Variants in CADM2 observed in about 807,000 individuals in gnomAD.
CADM2 encodes immunoglobulin superfamily member 4D.
In CADM2, 12 loss-of-function variants were observed where a neutral mutation model predicts 49.8. That is an observed-to-expected ratio of 0.24 (90% CI 0.15 to 0.39). CADM2 has a LOEUF of 0.39. Among genes scored for constraint, CADM2 ranks in the 10% least tolerant of loss-of-function variants. CADM2 has a pLI of 1.00. For missense variants in CADM2, 378 were observed against 492.3 expected (o/e 0.77, Z 2.20); for synonymous variants, 214 against 175.4 (o/e 1.22, Z -1.74).
chr3:85,464,183 AT>A (rs1341058256), intron 1 of CADM2, among the ~76,000 whole-genome samples: 1 of 151,970 alleles, frequency 6.6e-6, no homozygotes, highest in Non-Finnish European at 1.5e-5. Context: ...GACATGCAAA[AT>A]TTTTTTCTTT....
chr3:85,412,537 T>G (rs1426889902), intron 1 of CADM2, among the ~76,000 whole-genome samples: 1 of 150,346 alleles, frequency 6.7e-6, no homozygotes, highest in African/African-American at 2.5e-5. Flanking sequence ...GTAATTCGTT[T>G]TTTTTTTTTT....
At chr3:85,595,401 AC>A (rs1174681560) in intron 1 of CADM2, among the ~76,000 whole-genome samples, 3 of 152,090 alleles carry the variant, frequency 2.0e-5, no homozygotes, top group African/African-American at 7.2e-5. Context: ...CAAACAGTTC[AC>A]AGAACTATAT....
intron 1 of CADM2, among the ~76,000 whole-genome samples, chr3:85,063,238 T>C (rs1195466612): frequency 6.6e-6 from 1 of 152,020 alleles, no homozygotes; most frequent in African/African-American, 2.4e-5. Context: ...CAAACTTCAA[T>C]CTGCTTTTGA....
intron 8 of CADM2, among the ~76,000 whole-genome samples, chr3:86,040,173 C>A (rs530006196): frequency 9.0e-4 from 137 of 152,224 alleles, no homozygotes; most frequent in African/African-American, 3.0e-3. Context: ...AAAATCAGAG[C>A]ACCTCTCCTC....
chr3:85,158,842 G>C (rs1020811772), intron 1 of CADM2, among the ~76,000 whole-genome samples: 6 of 151,008 alleles, frequency 4.0e-5, no homozygotes, highest in Admixed American at 4.0e-4. Flanking sequence ...AAAGTATAAT[G>C]ATAATAAATA....
intron 1 of CADM2, among the ~76,000 whole-genome samples, chr3:85,371,186 ACT>A (rs1459148405): frequency 6.6e-6 from 1 of 152,120 alleles, no homozygotes. Flanking sequence ...CTAAGTTTAC[ACT>A]GTTTCTAAAG....
At chr3:85,184,154 G>A (rs895881047) in intron 1 of CADM2, among the ~76,000 whole-genome samples, 1 of 152,022 alleles carries the variant, frequency 6.6e-6, no homozygotes, top group Admixed American at 6.6e-5. Context: ...ACACAGCATG[G>A]AAGTTGACAA....
chr3:85,085,786 T>G (rs2037345977), intron 1 of CADM2, among the ~76,000 whole-genome samples: 1 of 152,206 alleles, frequency 6.6e-6, no homozygotes, highest in African/African-American at 2.4e-5. Flanking sequence ...CCATGTTAAA[T>G]GAACCATCAA....
intron 1 of CADM2, among the ~76,000 whole-genome samples, chr3:85,544,229 T>C (rs2061611497): frequency 6.6e-6 from 1 of 152,046 alleles, no homozygotes; most frequent in African/African-American, 2.4e-5. Flanking sequence ...AAGTATACAG[T>C]AAAGGAAGGC....
intron 1 of CADM2, among the ~76,000 whole-genome samples, chr3:85,717,280 G>T (rs1167988274): frequency 6.6e-6 from 1 of 152,122 alleles, no homozygotes; most frequent in Non-Finnish European, 1.5e-5. Context: ...CTTTGCTCAT[G>T]ATTTGGCTCT....
intron 1 of CADM2, among the ~76,000 whole-genome samples, chr3:85,436,317 T>C (rs1396285456): frequency 6.6e-6 from 1 of 152,164 alleles, no homozygotes; most frequent in Non-Finnish European, 1.5e-5. Context: ...TTAAGGAGAT[T>C]TTGGGCTGAG....
intron 6 of CADM2, among the ~76,000 whole-genome samples, chr3:85,913,673 C>A (rs1164783605): frequency 6.6e-6 from 1 of 152,094 alleles, no homozygotes; most frequent in East Asian, 1.9e-4. Flanking sequence ...CTATCACCAA[C>A]AAACTTCATT....
At chr3:85,732,062 A>T (rs1442479239) in intron 2 of CADM2, among the ~76,000 whole-genome samples, 1 of 143,690 alleles carries the variant, frequency 7.0e-6, no homozygotes, top group Non-Finnish European at 1.5e-5. Flanking sequence ...AGGCTGGCCA[A>T]CATGGTGAAA....
intron 1 of CADM2, among the ~76,000 whole-genome samples, chr3:85,219,675 C>G (rs1395655284): frequency 6.6e-6 from 1 of 150,442 alleles, no homozygotes; most frequent in Non-Finnish European, 1.5e-5. Flanking sequence ...TACATGGTGA[C>G]CTTGATATTG....
intron 1 of CADM2, among the ~76,000 whole-genome samples, chr3:85,175,242 C>A (rs2040747565): frequency 6.6e-6 from 1 of 152,070 alleles, no homozygotes; most frequent in East Asian, 1.9e-4. Context: ...CATAACATTA[C>A]CATATGATCC....
chr3:85,531,623 G>T (rs2061310759), intron 1 of CADM2, among the ~76,000 whole-genome samples: 1 of 151,924 alleles, frequency 6.6e-6, no homozygotes, highest in African/African-American at 2.4e-5. Flanking sequence ...TCCAGCCTCT[G>T]TTTTTTTGCC....
In CADM2 at chr3:85,736,847, T is replaced by C. The variant is rs1033243086; in HGVS notation, c.88+10299T>C. ...TGACAAAGAGAAAAGGTGAATTGCC[T>C]GGAAACTTACAGTAGTCCAGGGAGA... is the stretch of plus-strand genomic sequence containing the variant. On this transcript the variant is annotated intron_variant, in intron 2 of 9. Transcript: ENST00000383699. 3.3e-5 allele frequency among the ~76,000 whole-genome samples: 5 copies of C among 152,238 alleles called. 1 individual carries two copies. The East Asian group carries it at 9.7e-4, about 29-fold the overall frequency.
intron 1 of CADM2, among the ~76,000 whole-genome samples, chr3:85,335,706 T>G (rs989906366): frequency 6.6e-6 from 1 of 151,500 alleles, no homozygotes; most frequent in African/African-American, 2.4e-5. Context: ...ATAATCAGCT[T>G]CTTCTGTGAG....
chr3:85,262,348 GCCTTTTCTGACAT>G (rs1285147261), intron 1 of CADM2, among the ~76,000 whole-genome samples: 1 of 151,902 alleles, frequency 6.6e-6, no homozygotes, highest in Non-Finnish European at 1.5e-5. Flanking sequence ...TTTATGATAT[GCCTTTTCTGACAT>G]CAGTGAAGTC....
Sources: allele counts gnomAD v4.1 joint callset (sites outside exome capture counted in the v4.1 genomes callset), GRCh38; gene constraint gnomAD v4.1.1; transcripts MANE v1.5; gene names NCBI Gene and HGNC (gene_info 2026-07-23, HGNC 2026-07-21).